Variants in BRMS1L observed in about 807,000 individuals in gnomAD.
BRMS1L encodes BRMS1 like transcriptional repressor, also known as breast cancer metastasis-suppressor 1-like protein.
In BRMS1L, 23 loss-of-function variants were observed where a neutral mutation model predicts 50.3. That is an observed-to-expected ratio of 0.46 (90% CI 0.33 to 0.65). The LOEUF (loss-of-function observed/expected upper bound fraction) is 0.65, where lower values mean the gene tolerates loss of function less well. BRMS1L is among the 30% of genes least tolerant of loss of function. The pLI is 0.02. For synonymous variants in BRMS1L, 114 were observed against 126.9 expected (o/e 0.90, Z 0.69); for missense variants, 286 against 386.1 (o/e 0.74, Z 2.17).
At chr14:35,838,405 G>A (rs189910246) in intron 4 of BRMS1L, among the ~76,000 whole-genome samples, 1 of 152,048 alleles carries the variant, frequency 6.6e-6, no homozygotes, top group Non-Finnish European at 1.5e-5. Context: ...GGGATTCCTG[G>A]GTCAAGTGGT....
intron 4 of BRMS1L, among the ~76,000 whole-genome samples, chr14:35,842,845 G>C (rs897712276): frequency 6.6e-6 from 1 of 152,068 alleles, no homozygotes; most frequent in Admixed American, 6.5e-5. Context: ...TTTTCACATA[G>C]TCCCATATTC....
At chr14:35,859,574 A>G (rs999462426) in intron 4 of BRMS1L, among the ~76,000 whole-genome samples, 1 of 152,034 alleles carries the variant, frequency 6.6e-6, no homozygotes, top group African/African-American at 2.4e-5. Flanking sequence ...TTGTGAGATG[A>G]TGTGCTTTGA....
At chr14:35,835,145 G>A (rs373486864) in intron 4 of BRMS1L, among the ~76,000 whole-genome samples, 2 of 152,020 alleles carry the variant, frequency 1.3e-5, no homozygotes, top group East Asian at 3.9e-4. Context: ...AATTTTAGAA[G>A]TTTTGCAGCT....
intron 4 of BRMS1L, among the ~76,000 whole-genome samples, chr14:35,852,446 A>G (rs995245650): frequency 3.3e-5 from 5 of 152,248 alleles, no homozygotes; most frequent in Non-Finnish European, 5.9e-5. Context: ...TTGTAACAAT[A>G]TAAGTCTTCC....
intron 2 of BRMS1L, 141 bp downstream of exon 2, chr14:35,831,641 T>G (rs1212972229): frequency 1.5e-6 from 1 of 648,288 alleles, no homozygotes; most frequent in African/African-American, 1.8e-5. Flanking sequence ...CAACTATTGT[T>G]TGTCTACTAA....
chr14:35,857,920 A>G (rs990775363), intron 4 of BRMS1L, among the ~76,000 whole-genome samples: 2 of 149,346 alleles, frequency 1.3e-5, no homozygotes, highest in Non-Finnish European at 3.0e-5. Context: ...TTTTTTTTTA[A>G]TTAAGCTAAA....
At chr14:35,826,719 C>G in intron 1 of BRMS1L, 61 bp downstream of exon 1, 2 of 1,588,020 alleles carry the variant, frequency 1.3e-6, no homozygotes, top group Non-Finnish European at 1.7e-6. Flanking sequence ...GGCCGCTCTC[C>G]GCACGCCAGG....
Position 35,839,056 on chromosome 14 carries a change from A to G in BRMS1L, c.441+4133A>G, listed in dbSNP as rs190628039. 5.3e-4 allele frequency among the ~76,000 whole-genome samples: 81 copies of G among 152,318 alleles called. 1 individual carries two copies. The highest frequency in any genetic ancestry group is 1.9e-3 in the African/African-American group (78 of 41,574). On this transcript the variant is annotated intron_variant, in intron 4 of 9. Coordinates refer to ENST00000216807, the MANE Select transcript of BRMS1L (RefSeq NM_032352.4). ...TTGAGTTAATTTTTGTATAAGGTAT[A>G]AGGAAGGGGTCCAGTTTCAGTTTTC...
rs757934029 is a variant in BRMS1L, at chr14:35,870,489, G to C, written c.*12G>C. 61 of 1,520,466 alleles carry C rather than the reference G, an allele frequency of 4.0e-5. 1 individual carries two copies. In the South Asian group the frequency reaches 6.5e-4, roughly 16 times the overall value. The allele number at this position is 1,520,466 out of a possible 1,614,324, so 94.2% of individuals were successfully genotyped here. On this transcript the variant is annotated 3_prime_UTR_variant, in exon 10 of 10. Transcript: ENST00000216807. ...TTAAACATTCATAATCATGATTTAAGTGTTATCTAAATTTACCTTATTAGT... is the reference window on the plus strand; with the variant it reads ...TTAAACATTCATAATCATGATTTAACTGTTATCTAAATTTACCTTATTAGT...
At chr14:35,865,917 T>G (rs182357981) in intron 8 of BRMS1L, 156 bp downstream of exon 8, 1 of 675,140 alleles carries the variant, frequency 1.5e-6, no homozygotes, top group East Asian at 2.7e-5. Flanking sequence ...AGTCATTGCT[T>G]CACGTAAAAG....
intron 9 of BRMS1L, 53 bp downstream of exon 9, chr14:35,868,085 C>T (rs775915145): frequency 3.3e-6 from 5 of 1,500,870 alleles, no homozygotes; most frequent in Middle Eastern, 2.4e-4. Flanking sequence ...TTTACAACAT[C>T]GTTGTCAGTG....
At chr14:35,834,815 A>G (rs1255037458) in intron 3 of BRMS1L, 29 bp from the exon 4 acceptor site, 9 of 1,440,758 alleles carry the variant, frequency 6.2e-6, no homozygotes, top group African/African-American at 4.3e-5. Flanking sequence ...CATTGCTAAC[A>G]TAATCAGAGT....
chr14:35,864,584 T>G (rs1011856277), intron 6 of BRMS1L, among the ~76,000 whole-genome samples: 1 of 152,180 alleles, frequency 6.6e-6, no homozygotes, highest in Non-Finnish European at 1.5e-5. Context: ...TTTTTAAATG[T>G]TTCCAAAATT....
chr14:35,852,791 C>T (rs768456824), intron 4 of BRMS1L, among the ~76,000 whole-genome samples: 30 of 152,002 alleles, frequency 2.0e-4, no homozygotes, highest in Middle Eastern at 3.2e-3. Flanking sequence ...ATCAGCCGGG[C>T]GCGGTGGCGG....
In BRMS1L at chr14:35,852,657, C is replaced by T. The variant is rs193227310; in HGVS notation, c.442-9933C>T. On this transcript the variant is annotated intron_variant, in intron 4 of 9. Coordinates refer to ENST00000216807, the MANE Select transcript of BRMS1L (RefSeq NM_032352.4). The stretch of plus-strand genomic sequence containing the variant: ...TCTTAAATTTCTAATATCGGCCAGG[C>T]GCGGTGGCTCACGCCTGTAATCCCA... Among the ~76,000 whole-genome samples the T allele has an allele frequency of 8.6e-4, 131 of 152,234 alleles. 1 individual carries two copies. Among genetic ancestry groups the T allele is most frequent in the Middle Eastern group, 6.8e-3 (2 of 294 alleles).
Position 35,865,791 on chromosome 14 carries a change from T to C in BRMS1L, c.727+30T>C, listed in dbSNP as rs186430475. On this transcript the variant is annotated intron_variant, in intron 8 of 9. Transcript: ENST00000216807. Reference sequence around the variant, plus strand: ...GTCATTTAGTCTGAGTTGGGAAATATTCTCTTTGGAGACTTGTTGAATCAG... The same window carrying C: ...GTCATTTAGTCTGAGTTGGGAAATACTCTCTTTGGAGACTTGTTGAATCAG... The C allele has an allele frequency of 3.5e-5, 56 of 1,590,670 alleles. No individual in the cohort carries two copies. In the African/African-American group the frequency reaches 6.4e-4, roughly 18 times the overall value.
Position 35,870,948 on chromosome 14 carries a change from A to G in BRMS1L, c.*471A>G, listed in dbSNP as rs1351287273. 1 of 152,876 alleles carries G rather than the reference A, an allele frequency of 6.5e-6. No individual in the cohort carries two copies. Among genetic ancestry groups the G allele is most frequent in the African/African-American group, 2.4e-5 (1 of 41,468 alleles). The allele number at this position is 152,876 out of a possible 1,614,324, so 9.5% of individuals were successfully genotyped here. A position where few individuals can be genotyped will look rare whatever the true frequency, so the allele number is the denominator to read the frequency against. ...AACTGAAATTTAAACATATATATAT[A>G]TGAGGATGTATATATGGCATCATCA... On this transcript the variant is annotated 3_prime_UTR_variant, in exon 10 of 10. Transcript: ENST00000216807.
At chr14:35,845,849 G>A (rs995428384) in intron 4 of BRMS1L, among the ~76,000 whole-genome samples, 1 of 152,080 alleles carries the variant, frequency 6.6e-6, no homozygotes, top group Non-Finnish European at 1.5e-5. Context: ...TTGAATTCCT[G>A]GCCTCAAGCA....
At chr14:35,846,228 C>G (rs1408004452) in intron 4 of BRMS1L, among the ~76,000 whole-genome samples, 1 of 151,266 alleles carries the variant, frequency 6.6e-6, no homozygotes, top group Non-Finnish European at 1.5e-5. Context: ...CAAAACAAAA[C>G]AAAACAAAAC....
Sources: allele counts gnomAD v4.1 joint callset (sites outside exome capture counted in the v4.1 genomes callset), GRCh38; gene constraint gnomAD v4.1.1; transcripts MANE v1.5; gene names NCBI Gene and HGNC (gene_info 2026-07-23, HGNC 2026-07-21).